The following NEK6 variants were observed in gnomAD, a reference collection of about 807,000 sequenced individuals.
NEK6 encodes the protein serine/threonine-protein kinase Nek6.
A neutral mutation model predicts 43.5 loss-of-function variants in NEK6; 27 were observed. The observed-to-expected ratio is 0.62, with a 90% CI of 0.46 to 0.86. NEK6 has a LOEUF of 0.86. Among genes scored for constraint, NEK6 ranks in the 40% least tolerant of loss-of-function variants. The pLI is 0.00. For synonymous variants in NEK6, 167 were observed against 164.1 expected (o/e 1.02, Z -0.14); for missense variants, 318 against 414.4 (o/e 0.77, Z 2.02).
intron 4 of NEK6, among the ~76,000 whole-genome samples, chr9:124,317,582 T>C (rs1833880726): frequency 6.6e-6 from 1 of 152,094 alleles, no homozygotes; most frequent in Non-Finnish European, 1.5e-5. Context: ...GTTACAAGAG[T>C]ATATTGTGTG....
chr9:124,326,217 C>CCCCCCCCCCCCCCCCT lies in NEK6; in HGVS notation c.406-112_406-111insCCCCCCCCCCCCCCTC. 4.7e-6 allele frequency: 1 copy of CCCCCCCCCCCCCCCCT among 213,938 alleles called. No individual in the cohort carries two copies. The highest frequency in any genetic ancestry group is 1.2e-5 in the Non-Finnish European group (1 of 85,810). The allele number at this position is 213,938 out of a possible 1,614,324, so 13.3% of individuals were successfully genotyped here. ...AGTGGCTCAATCCCCCCCCCCCGCC[C>CCCCCCCCCCCCCCCCT]CTGCCAGGCACCAGTTACCCACTGG... On this transcript the variant is annotated intron_variant, in intron 5 of 9. Coordinates refer to ENST00000320246, the MANE Select transcript of NEK6 (RefSeq NM_014397.6). The surrounding 1 kb of genome is among the most constrained non-coding windows in gnomAD (Gnocchi z 4.5).
chr9:124,306,240 G>C (rs1255203083), intron 2 of NEK6, among the ~76,000 whole-genome samples: 1 of 152,090 alleles, frequency 6.6e-6, no homozygotes, highest in East Asian at 1.9e-4. Flanking sequence ...ACTCTTTGTG[G>C]TTTCGCCCTT....
At chr9:124,292,854 G>A in intron 1 of NEK6, 21 of 1,447,356 alleles carry the variant, frequency 1.5e-5, no homozygotes, top group Non-Finnish European at 1.9e-5. Flanking sequence ...TCAAGGAGAA[G>A]AAGACACATG....
At chr9:124,294,771 G>A (rs1379215952) in intron 1 of NEK6, among the ~76,000 whole-genome samples, 2 of 152,222 alleles carry the variant, frequency 1.3e-5, no homozygotes, top group African/African-American at 2.4e-5. Flanking sequence ...ACCTTTTGCT[G>A]TGGAGTTTCA....
chr9:124,330,523 C>G (rs953867312), intron 7 of NEK6, among the ~76,000 whole-genome samples: 2 of 152,082 alleles, frequency 1.3e-5, no homozygotes, highest in African/African-American at 4.8e-5. Context: ...TGGTCACACC[C>G]AGGCCCATGC....
chr9:124,287,484 T>C (rs1027942761), intron 1 of NEK6, among the ~76,000 whole-genome samples: 1 of 152,176 alleles, frequency 6.6e-6, no homozygotes, highest in Admixed American at 6.5e-5. Flanking sequence ...AAGGTTGTCA[T>C]GCGGCTCCCT....
At chr9:124,260,844 C>G (rs572124881) in intron 1 of NEK6, among the ~76,000 whole-genome samples, 1 of 152,328 alleles carries the variant, frequency 6.6e-6, no homozygotes, top group Non-Finnish European at 1.5e-5. Flanking sequence ...AGAGAATGCG[C>G]CAAAGACCAT....
rs1834349676 is a variant in NEK6, at chr9:124,326,564, C to A, written c.514+126C>A. 3 of 687,524 alleles carry A rather than the reference C, an allele frequency of 4.4e-6. No homozygotes were observed. The highest frequency in any genetic ancestry group is 1.6e-5 in the South Asian group (1 of 62,258). The allele number at this position is 687,524 out of a possible 1,614,324, so 42.6% of individuals were successfully genotyped here. A position where few individuals can be genotyped will look rare whatever the true frequency, so the allele number is the denominator to read the frequency against. ...GTTGGACCGCTCTGTATTCCCCAGG[C>A]AAGGGGGCTGCCCAGCAACCGCGCA... On this transcript the variant is annotated intron_variant, in intron 6 of 9. Transcript: ENST00000320246. This position sits in a 1 kb window ranked among gnomAD's most constrained non-coding sequence, Gnocchi z 4.5.
intron 9 of NEK6, among the ~76,000 whole-genome samples, chr9:124,348,903 G>T (rs113581391): frequency 6.6e-6 from 1 of 152,240 alleles, no homozygotes; most frequent in African/African-American, 2.4e-5. Context: ...TAAAAAGACC[G>T]GTGAGGCAGG....
rs1375138662 is a variant in NEK6 at position 124,257,987 on chromosome 9, C to G, written c.-128C>G. On this transcript the variant is annotated 5_prime_UTR_variant, in exon 1 of 10. Transcript: ENST00000320246. ...CGGCGGAACCGAGCTGACGGGCGTG[C>G]GGCCGCTGCGCCGCAAACTCGTGTG... is the stretch of plus-strand genomic sequence containing the variant. 2 of 978,646 alleles carry G rather than the reference C, an allele frequency of 2.0e-6. No individual in the cohort carries two copies. The highest frequency in any genetic ancestry group is 2.4e-6 in the Non-Finnish European group (2 of 827,438). 60.6% of individuals were successfully genotyped at this position (978,646 alleles called of 1,614,324 possible).
intron 8 of NEK6, among the ~76,000 whole-genome samples, chr9:124,342,384 A>G (rs917477477): frequency 1.3e-5 from 2 of 152,154 alleles, no homozygotes; most frequent in Non-Finnish European, 2.9e-5. Context: ...ACTCACTTTC[A>G]TCCAAATCCC....
chr9:124,323,787 A>G lies in NEK6; in HGVS notation c.405+2218A>G, dbSNP rs746110828. Among the ~76,000 whole-genome samples the G allele has an allele frequency of 2.0e-4, 30 of 152,160 alleles. 1 individual carries two copies. The highest frequency in any genetic ancestry group is 3.5e-4 in the Non-Finnish European group (24 of 68,004). On this transcript the variant is annotated intron_variant, in intron 5 of 9. Transcript: ENST00000320246. ...CCTCAGCTGAGAGAGAAGAGGAGACATGGGGGCATTCTATCCAGCATCCCT... is the reference window on the plus strand; with the variant it reads ...CCTCAGCTGAGAGAGAAGAGGAGACGTGGGGGCATTCTATCCAGCATCCCT...
chr9:124,278,311 G>T (rs2118965972), intron 1 of NEK6, among the ~76,000 whole-genome samples: 1 of 152,334 alleles, frequency 6.6e-6, no homozygotes, highest in South Asian at 2.1e-4. Flanking sequence ...GTGTGTCCCT[G>T]TCGCTAAGCG....
At chr9:124,328,465 T>G (rs1828788378) in intron 7 of NEK6, among the ~76,000 whole-genome samples, 1 of 152,064 alleles carries the variant, frequency 6.6e-6, no homozygotes, top group African/African-American at 2.4e-5. Flanking sequence ...CCACCCCCTG[T>G]GTGCTGTGCC....
intron 5 of NEK6, among the ~76,000 whole-genome samples, chr9:124,323,304 G>C (rs529188680): frequency 8.2e-4 from 125 of 152,356 alleles, no homozygotes; most frequent in Middle Eastern, 3.4e-3. Flanking sequence ...CGGTCCCACA[G>C]GGATGGGAAA....
At chr9:124,327,714 C>T (rs1312677888) in intron 7 of NEK6, among the ~76,000 whole-genome samples, 2 of 152,184 alleles carry the variant, frequency 1.3e-5, no homozygotes, top group Non-Finnish European at 2.9e-5. Context: ...GAGCAGGGGG[C>T]GTGTCTGTGG....
intron 1 of NEK6, among the ~76,000 whole-genome samples, chr9:124,280,269 G>A (rs780171531): frequency 6.6e-6 from 1 of 152,232 alleles, no homozygotes; most frequent in Non-Finnish European, 1.5e-5. Flanking sequence ...AAAAGAGTGT[G>A]TTTCCTGGCT....
chr9:124,343,622 T>C lies in NEK6; in HGVS notation c.717+3957T>C, dbSNP rs1047713003. On this transcript the variant is annotated intron_variant, in intron 8 of 9. Transcript: ENST00000320246. This position sits in a 1 kb window ranked among gnomAD's most constrained non-coding sequence, Gnocchi z 5.1. Reference sequence around the variant, plus strand: ...AGAGCCACATCTGAGCCCACGGCCATGTAATTGGAAAGAGGCCTCCCGCAG... The same window carrying C: ...AGAGCCACATCTGAGCCCACGGCCACGTAATTGGAAAGAGGCCTCCCGCAG... 6.6e-6 allele frequency among the ~76,000 whole-genome samples: 1 copy of C among 152,100 alleles called. No homozygotes were observed. Among genetic ancestry groups the C allele is most frequent in the South Asian group, 2.1e-4 (1 of 4,822 alleles).
At chr9:124,294,312 G>C (rs1310977240) in intron 1 of NEK6, among the ~76,000 whole-genome samples, 2 of 152,288 alleles carry the variant, frequency 1.3e-5, no homozygotes, top group African/African-American at 4.8e-5. Context: ...GCCTGGGCGT[G>C]GTAGTCCTTC....
Sources: gnomAD v4.1 joint callset for allele counts (sites outside exome capture counted in the v4.1 genomes callset) on GRCh38, gnomAD v4.1.1 for gene constraint, Gnocchi (gnomAD v3.1) non-coding constraint, MANE v1.5 for transcripts, NCBI Gene and HGNC (gene_info 2026-07-23, HGNC 2026-07-21) for gene names.